ETV6: variants seen among roughly 807,000 people sequenced by gnomAD.
ETV6 encodes the protein transcription factor ETV6.
In ETV6, 16 loss-of-function variants were observed where a neutral mutation model predicts 51.1. The observed-to-expected ratio is 0.31, with a 90% CI of 0.21 to 0.48. The LOEUF (loss-of-function observed/expected upper bound fraction) is 0.48, where lower values mean the gene tolerates loss of function less well. Among genes scored for constraint, ETV6 ranks in the 20% least tolerant of loss-of-function variants. ETV6 has a pLI of 0.99. For missense variants in ETV6, 458 were observed against 594.8 expected (o/e 0.77, Z 2.39); for synonymous variants, 240 against 224.1 (o/e 1.07, Z -0.64).
intron 1 of ETV6, among the ~76,000 whole-genome samples, chr12:11,655,758 C>G (rs1453675378): frequency 6.6e-6 from 1 of 152,222 alleles, no homozygotes; most frequent in Non-Finnish European, 1.5e-5. Context: ...TCTAAATGAT[C>G]TGGAATTCCC....
At chr12:11,844,759 C>CA (rs527793372) in intron 3 of ETV6, among the ~76,000 whole-genome samples, 3,038 of 88,400 alleles carry the variant, frequency 0.034, 93 homozygotes, top group African/African-American at 0.11. Context: ...TTGAGCAAGC[C>CA]AAAAAAAAAA....
chr12:11,869,803 C>G lies in ETV6; in HGVS notation c.843C>G (p.Pro281=), dbSNP rs774594728. Residue 281 remains proline (P), a synonymous_variant, in exon 5 of 8, where the codon CCC becomes CCG. Transcript: ENST00000396373. The surrounding 1 kb of genome is among the most constrained non-coding windows in gnomAD (Gnocchi z 5.0). ...SPIMHPLILN[P]RHSVDFKQSR... is the part of the protein sequence containing the mutation. ...TCATGCACCCTCTGATCCTGAACCCCCGGCACTCCGTGGATTTCAAACAGT... is the reference window on the plus strand; with the variant it reads ...TCATGCACCCTCTGATCCTGAACCCGCGGCACTCCGTGGATTTCAAACAGT... 2.1e-5 allele frequency: 34 copies of G among 1,613,220 alleles called. No homozygotes were observed. The Admixed American group carries it at 3.5e-4, about 17-fold the overall frequency.
intron 1 of ETV6, among the ~76,000 whole-genome samples, chr12:11,701,957 G>A (rs1158055463): frequency 6.6e-6 from 1 of 152,208 alleles, no homozygotes; most frequent in African/African-American, 2.4e-5. Flanking sequence ...GAATCGCAAG[G>A]ACAGCCTGAT....
intron 1 of ETV6, among the ~76,000 whole-genome samples, chr12:11,693,670 T>C (rs1864815684): frequency 6.6e-6 from 1 of 152,212 alleles, no homozygotes; most frequent in African/African-American, 2.4e-5. Context: ...GTAGCAACAG[T>C]ATGTGCTGGG....
chr12:11,855,156 A>C (rs76868658), intron 4 of ETV6, among the ~76,000 whole-genome samples: 1 of 141,682 alleles, frequency 7.1e-6, no homozygotes. Context: ...AAAAAAAAAA[A>C]TTAGCCGGGC....
chr12:11,731,593 A>G (rs895716421), intron 1 of ETV6, among the ~76,000 whole-genome samples: 1 of 152,252 alleles, frequency 6.6e-6, no homozygotes, highest in Admixed American at 6.5e-5. Context: ...CGAATTTCAG[A>G]AAAACATGGG....
At chr12:11,819,191 C>T (rs1047828804) in intron 2 of ETV6, among the ~76,000 whole-genome samples, 4 of 152,156 alleles carry the variant, frequency 2.6e-5, no homozygotes, top group South Asian at 4.1e-4. Context: ...CTCCCATTAG[C>T]GCCTCAACCC....
rs1275159667 is a variant in ETV6 at position 11,891,076 on chromosome 12, G to A, written c.*30G>A. The A allele has an allele frequency of 6.4e-7, 1 of 1,556,222 alleles. No homozygotes were observed. Among genetic ancestry groups the A allele is most frequent in the Non-Finnish European group, 8.9e-7 (1 of 1,128,568 alleles). On this transcript the variant is annotated 3_prime_UTR_variant, in exon 8 of 8. Transcript: ENST00000396373. Reference sequence around the variant, plus strand: ...ACCAACAGTCCACCTCAGCGGGCCAGCAGCCCAGGGAACCCCTGCCCACCA... The same window carrying A: ...ACCAACAGTCCACCTCAGCGGGCCAACAGCCCAGGGAACCCCTGCCCACCA...
chr12:11,879,629 A>G (rs574550248), intron 5 of ETV6, among the ~76,000 whole-genome samples: 1 of 152,360 alleles, frequency 6.6e-6, no homozygotes, highest in South Asian at 2.1e-4. Flanking sequence ...ACTTTCATAA[A>G]CTACTTCTCA....
intron 2 of ETV6, among the ~76,000 whole-genome samples, chr12:11,826,154 ATAG>A (rs1469832641): frequency 6.6e-6 from 1 of 152,034 alleles, no homozygotes; most frequent in African/African-American, 2.4e-5. Flanking sequence ...GCTTTTACAA[ATAG>A]TAGGGTAGCA....
intron 2 of ETV6, among the ~76,000 whole-genome samples, chr12:11,828,073 T>C (rs1946185420): frequency 6.6e-6 from 1 of 152,230 alleles, no homozygotes; most frequent in African/African-American, 2.4e-5. Flanking sequence ...TACTTTTTTT[T>C]TCTTCTTAAA....
chr12:11,736,318 G>A (rs1382776379), intron 1 of ETV6, among the ~76,000 whole-genome samples: 2 of 152,192 alleles, frequency 1.3e-5, no homozygotes, highest in Admixed American at 6.6e-5. Flanking sequence ...AACATAGTCT[G>A]TGTCCCCTTT....
At chr12:11,853,025 G>A (rs1240900823) in intron 3 of ETV6, among the ~76,000 whole-genome samples, 1 of 152,064 alleles carries the variant, frequency 6.6e-6, no homozygotes, top group Non-Finnish European at 1.5e-5. Flanking sequence ...TGTCTCTACT[G>A]AAAATACAAA....
At chr12:11,674,615 TTGTGTGTGTGTG>T (rs5796457) in intron 1 of ETV6, among the ~76,000 whole-genome samples, 5,430 of 133,160 alleles carry the variant, frequency 0.041, 120 homozygotes, top group South Asian at 0.077. Context: ...TAGGGGTTAT[TTGTGTGTGTGTG>T]TGTGTGTGTG....
At chr12:11,857,355 G>A (rs144850808) in intron 4 of ETV6, among the ~76,000 whole-genome samples, 13 of 152,264 alleles carry the variant, frequency 8.5e-5, no homozygotes, top group Middle Eastern at 6.8e-3. Context: ...GACAGTAGAC[G>A]AGGATGATCA....
At chr12:11,736,398 G>A (rs918939720) in intron 1 of ETV6, among the ~76,000 whole-genome samples, 5 of 152,146 alleles carry the variant, frequency 3.3e-5, no homozygotes, top group Middle Eastern at 3.2e-3. Context: ...CCTTGAGATG[G>A]GATTTAAATT....
intron 2 of ETV6, among the ~76,000 whole-genome samples, chr12:11,833,776 C>G (rs1039328187): frequency 3.3e-5 from 5 of 152,288 alleles, no homozygotes; most frequent in African/African-American, 1.2e-4. Flanking sequence ...CAAGTAAGTG[C>G]ATTGCTGTTA....
At chr12:11,752,659 A>T (rs1866058467) in intron 2 of ETV6, 80 bp downstream of exon 2, 1 of 1,526,760 alleles carries the variant, frequency 6.5e-7, no homozygotes, top group Admixed American at 1.8e-5. Context: ...CAGGCCAGAG[A>T]GGGGCAAGCT....
chr12:11,676,851 T>A (rs1198543292), intron 1 of ETV6, among the ~76,000 whole-genome samples: 1 of 152,186 alleles, frequency 6.6e-6, no homozygotes, highest in Non-Finnish European at 1.5e-5. Context: ...GGTCTTTGAT[T>A]TTTTTCTGTG....
Sources: allele counts gnomAD v4.1 joint callset (sites outside exome capture counted in the v4.1 genomes callset), GRCh38; gene constraint gnomAD v4.1.1; non-coding constraint Gnocchi (gnomAD v3.1); transcripts MANE v1.5; gene names NCBI Gene and HGNC (gene_info 2026-07-23, HGNC 2026-07-21).